The following ZNF676 variants were observed in gnomAD, a reference collection of about 807,000 sequenced individuals.
ZNF676 encodes zinc finger protein 676.
A neutral mutation model predicts 6.0 loss-of-function variants in ZNF676; 4 were observed. The ratio of observed to expected loss-of-function variants is 0.67; its 90% CI spans 0.33 to 1.53. The LOEUF (loss-of-function observed/expected upper bound fraction) is 1.53, where lower values mean the gene tolerates loss of function less well. Ranked by LOEUF, ZNF676 falls within the 40% of genes most tolerant of loss-of-function variation. The pLI is 0.06. For missense variants in ZNF676, 644 were observed against 679.7 expected, an observed-to-expected ratio of 0.95 and a Z score of 0.58; for synonymous variants, 198 against 223.1, an observed-to-expected ratio of 0.89 and a Z score of 1.00.
chr19:22,228,790 A>T, the ZNF676 span, among the ~76,000 whole-genome samples: 13 of 152,276 alleles, frequency 8.5e-5, no homozygotes, highest in African/African-American at 2.9e-4. Flanking sequence ...TAGGAATACA[A>T]CTTCCAAGGG....
At chr19:22,242,159 G>A in the ZNF676 span, among the ~76,000 whole-genome samples, 1 of 151,952 alleles carries the variant, frequency 6.6e-6, no homozygotes, top group Non-Finnish European at 1.5e-5. Flanking sequence ...TATTGCACCT[G>A]TCAGCCAGGC....
intron 2 of ZNF676, among the ~76,000 whole-genome samples, chr19:22,185,344 T>A (rs2023821891): frequency 6.6e-6 from 1 of 152,046 alleles, no homozygotes; most frequent in Non-Finnish European, 1.5e-5. Flanking sequence ...GGATGTTTAC[T>A]CAGAGACACC....
chr19:22,219,296 AC>A (rs1448196350), upstream of ZNF676, among the ~76,000 whole-genome samples: 1 of 151,758 alleles, frequency 6.6e-6, no homozygotes, highest in East Asian at 1.9e-4. Context: ...ATGGGGTTTT[AC>A]CATGTTGGCC....
At chr19:22,255,102 T>A in the ZNF676 span, among the ~76,000 whole-genome samples, 2 of 152,170 alleles carry the variant, frequency 1.3e-5, no homozygotes, top group Non-Finnish European at 2.9e-5. Flanking sequence ...GTGTATTAAA[T>A]CCTCAATCCC....
upstream of ZNF676, among the ~76,000 whole-genome samples, chr19:22,200,048 T>TTG (rs2024008392): frequency 6.6e-6 from 1 of 152,124 alleles, no homozygotes; most frequent in Non-Finnish European, 1.5e-5. Context: ...AGGGTGAATA[T>TTG]GAACAGGGCT....
the ZNF676 span, among the ~76,000 whole-genome samples, chr19:22,255,689 C>A: frequency 2.0e-5 from 3 of 151,814 alleles, no homozygotes; most frequent in Non-Finnish European, 4.4e-5. Flanking sequence ...ACTAAAAATA[C>A]AAAAAATTAG....
chr19:22,241,725 T>A, the ZNF676 span, among the ~76,000 whole-genome samples: 4 of 151,930 alleles, frequency 2.6e-5, no homozygotes, highest in African/African-American at 7.3e-5. Flanking sequence ...CCTAAACCCA[T>A]GTATGAGAGT....
At chr19:22,242,505 G>T in the ZNF676 span, among the ~76,000 whole-genome samples, 2 of 152,000 alleles carry the variant, frequency 1.3e-5, no homozygotes, top group South Asian at 2.1e-4. Context: ...GGTAGAAATC[G>T]CCAATTTCCT....
At chr19:22,258,835 C>G in the ZNF676 span, among the ~76,000 whole-genome samples, 1 of 152,300 alleles carries the variant, frequency 6.6e-6, no homozygotes, top group African/African-American at 2.4e-5. Flanking sequence ...GCAGGAGAGT[C>G]AAATCACTCA....
chr19:22,223,373 C>A, the ZNF676 span, among the ~76,000 whole-genome samples: 1 of 152,092 alleles, frequency 6.6e-6, no homozygotes, highest in African/African-American at 2.4e-5. Context: ...AAATCTTGGC[C>A]TGAAGAAATT....
intron 1 of ZNF676, among the ~76,000 whole-genome samples, chr19:22,209,939 C>A (rs1427025501): frequency 1.3e-5 from 2 of 152,094 alleles, no homozygotes; most frequent in Non-Finnish European, 2.9e-5. Flanking sequence ...GAGGGTGGTG[C>A]CTTGTCCAGA....
At chr19:22,241,242 AC>A in the ZNF676 span, among the ~76,000 whole-genome samples, 1 of 151,986 alleles carries the variant, frequency 6.6e-6, no homozygotes, top group Non-Finnish European at 1.5e-5. Flanking sequence ...AATGAAATTA[AC>A]AATCCCACAC....
In ZNF676 at chr19:22,181,754, C is replaced by T. The variant is rs112745821; in HGVS notation, c.131-168G>A. Among the ~76,000 whole-genome samples, 809 of 152,136 alleles carry T rather than the reference C, an allele frequency of 5.3e-3. 5 individuals are homozygous for T. Among genetic ancestry groups the T allele is most frequent in the African/African-American group, 0.018 (766 of 41,496 alleles). ...TATAAATGTAATAAAAACATATAGA[C>T]CAAAATACATATGTGAATAATTTAT... is the stretch of plus-strand genomic sequence containing the variant. On this transcript the variant is annotated intron_variant, in intron 2 of 2. Coordinates refer to ENST00000397121, the MANE Select transcript of ZNF676 (RefSeq NM_001001411.3).
the ZNF676 span, among the ~76,000 whole-genome samples, chr19:22,249,223 A>T: frequency 6.6e-6 from 1 of 152,174 alleles, no homozygotes; most frequent in African/African-American, 2.4e-5. Context: ...TTGGTAAATG[A>T]TCATAAGATG....
At chr19:22,181,612 T>A in intron 2 of ZNF676, 26 bp from the exon 3 acceptor site, 1 of 1,466,888 alleles carries the variant, frequency 6.8e-7, no homozygotes, top group Non-Finnish European at 9.0e-7. Context: ...AATAACAAAT[T>A]AATCTACATA....
the ZNF676 span, among the ~76,000 whole-genome samples, chr19:22,230,701 C>T: frequency 1.3e-5 from 2 of 151,252 alleles, no homozygotes; most frequent in African/African-American, 4.9e-5. Context: ...TCTTGTTTCC[C>T]AGGCTGGAGT....
the ZNF676 span, among the ~76,000 whole-genome samples, chr19:22,258,378 C>A: frequency 1.3e-5 from 2 of 152,042 alleles, no homozygotes; most frequent in South Asian, 4.1e-4. Flanking sequence ...TGTTTGAGAG[C>A]AGGACCAAGG....
chr19:22,189,873 C>T (rs939051099), intron 2 of ZNF676, among the ~76,000 whole-genome samples: 2 of 152,094 alleles, frequency 1.3e-5, no homozygotes, highest in Admixed American at 1.3e-4. Context: ...CAGGAAACAA[C>T]AGATGCTGCA....
chr19:22,221,947 TTC>T, the ZNF676 span, among the ~76,000 whole-genome samples: 26 of 152,236 alleles, frequency 1.7e-4, no homozygotes, highest in East Asian at 4.6e-3. Context: ...TCATTTGACT[TTC>T]TGTCTTGATG....
Sources: gnomAD v4.1 joint callset for allele counts (sites outside exome capture counted in the v4.1 genomes callset) on GRCh38, gnomAD v4.1.1 for gene constraint, MANE v1.5 for transcripts, NCBI Gene and HGNC (gene_info 2026-07-23, HGNC 2026-07-21) for gene names.